RASSF4: variants seen among roughly 807,000 people sequenced by gnomAD.
The protein encoded by RASSF4 is Ras association domain family member 4.
Under a neutral mutation model 41.1 loss-of-function variants are expected in RASSF4, and 38 were observed. That is an observed-to-expected ratio of 0.92 (90% CI 0.71 to 1.21). The LOEUF (loss-of-function observed/expected upper bound fraction) is 1.21, where lower values mean the gene tolerates loss of function less well. RASSF4 is among the 50% of genes most tolerant of loss of function. The probability of loss-of-function intolerance (pLI) is 0.00; values close to 1 mark genes in which losing one functional copy is unlikely to be tolerated. For synonymous variants in RASSF4, 179 were observed against 163.4 expected (o/e 1.10, Z -0.73); for missense variants, 414 against 419.4 (o/e 0.99, Z 0.11).
chr10:44,989,584 G>A (rs1842036370), intron 7 of RASSF4, 86 bp from the exon 8 acceptor site: 2 of 1,221,176 alleles, frequency 1.6e-6, no homozygotes, highest in Admixed American at 3.4e-5. Context: ...GTGTGTTACT[G>A]GGGGTGTAGT....
chr10:44,970,167 A>C lies in RASSF4; in HGVS notation c.-36A>C. On this transcript the variant is annotated splice_region_variant and 5_prime_UTR_variant, in exon 2 of 11. Coordinates refer to ENST00000340258, the MANE Select transcript of RASSF4 (RefSeq NM_032023.4). The stretch of plus-strand genomic sequence containing the variant: ...TCCACCCTTCCTTGTCTTCCCAGCA[A>C]GTAACTTCTAGGTCTGCAGACAAGA... 1 of 1,593,230 alleles carries C rather than the reference A, an allele frequency of 6.3e-7. No homozygotes were observed.
At chr10:44,982,222 C>T (rs994827115) in intron 3 of RASSF4, 12 of 432,346 alleles carry the variant, frequency 2.8e-5, no homozygotes, top group African/African-American at 6.3e-5. Flanking sequence ...ACTTCTTCAC[C>T]GCGGTGTGGA....
At chr10:44,984,606 A>C (rs1841846481) in intron 5 of RASSF4, 1 of 620,208 alleles carries the variant, frequency 1.6e-6, no homozygotes, top group Non-Finnish European at 2.8e-6. Flanking sequence ...GCCATGTGAC[A>C]TTGTGACCCA....
At chr10:44,980,036 C>T (rs1229952034) in intron 3 of RASSF4, among the ~76,000 whole-genome samples, 1 of 152,212 alleles carries the variant, frequency 6.6e-6, no homozygotes, top group Non-Finnish European at 1.5e-5. Flanking sequence ...GCCCCAGCCA[C>T]AGCCCCACCT....
intron 1 of RASSF4, among the ~76,000 whole-genome samples, chr10:44,963,491 C>G (rs1017696541): frequency 6.6e-6 from 1 of 152,166 alleles, no homozygotes; most frequent in South Asian, 2.1e-4. Context: ...GCCCTGCTGC[C>G]GTTGTGGCTG....
chr10:44,977,611 G>A (rs770794008), intron 3 of RASSF4: 1 of 1,613,280 alleles, frequency 6.2e-7, no homozygotes, highest in Non-Finnish European at 8.5e-7. Flanking sequence ...GCTTGCTGCT[G>A]TCCATCTGTC....
At chr10:44,984,446 T>C in intron 5 of RASSF4, 1 of 491,990 alleles carries the variant, frequency 2.0e-6, no homozygotes. Context: ...GACCTCGTCC[T>C]CACCCTCTGT....
At chr10:44,991,144 C>T (rs765914436) in intron 9 of RASSF4, 75 bp downstream of exon 9, 13 of 1,416,540 alleles carry the variant, frequency 9.2e-6, no homozygotes, top group African/African-American at 1.4e-5. Context: ...CCCAAGGACT[C>T]CTGGCCAGAG....
chr10:44,993,626 C>T lies in RASSF4; in HGVS notation c.*297C>T, dbSNP rs1208862487. The T allele has an allele frequency of 1.3e-5, 5 of 389,170 alleles. No individual in the cohort carries two copies. The highest frequency in any genetic ancestry group is 2.4e-5 in the Non-Finnish European group (5 of 209,286). The allele number at this position is 389,170 out of a possible 1,614,324, so 24.1% of individuals were successfully genotyped here. On this transcript the variant is annotated 3_prime_UTR_variant, in exon 11 of 11. Transcript: ENST00000340258. The stretch of plus-strand genomic sequence containing the variant: ...CCTGCACTGGAGAGCAGTGCTGGCC[C>T]AGCCCCTGCGGCTTAGGCTTCATCT...
At chr10:44,961,304 C>T (rs767006622) in intron 1 of RASSF4, among the ~76,000 whole-genome samples, 2 of 152,160 alleles carry the variant, frequency 1.3e-5, no homozygotes, top group African/African-American at 2.4e-5. Flanking sequence ...GCCTGGAGGT[C>T]GAGAACAGAA....
chr10:44,978,163 G>T, intron 3 of RASSF4: 1 of 1,027,212 alleles, frequency 9.7e-7, no homozygotes, highest in South Asian at 1.7e-5. Flanking sequence ...TGCCCTGAGA[G>T]CAATTTGAAG....
chr10:44,983,865 T>C, intron 4 of RASSF4, 157 bp from the exon 5 acceptor site: 1 of 1,347,994 alleles, frequency 7.4e-7, no homozygotes. Context: ...CTTTTATTGT[T>C]TCAGACTGAC....
intron 3 of RASSF4, among the ~76,000 whole-genome samples, chr10:44,973,391 C>T (rs1841262440): frequency 6.6e-6 from 1 of 152,136 alleles, no homozygotes; most frequent in Non-Finnish European, 1.5e-5. Context: ...CAGGGATTTC[C>T]ACCTGTGCTG....
At chr10:44,982,721 A>G (rs1841768201) in intron 4 of RASSF4, 58 bp downstream of exon 4, 2 of 1,571,160 alleles carry the variant, frequency 1.3e-6, no homozygotes, top group Admixed American at 1.9e-5. Flanking sequence ...GGTTGGGGAT[A>G]TCCCGAGCCT....
intron 5 of RASSF4, chr10:44,984,434 G>A: frequency 8.2e-6 from 4 of 488,550 alleles, no homozygotes; most frequent in Non-Finnish European, 1.5e-5. Flanking sequence ...ACCTCCCTCT[G>A]CGACCTCGTC....
intron 1 of RASSF4, among the ~76,000 whole-genome samples, chr10:44,962,823 G>T (rs1237542891): frequency 1.3e-5 from 2 of 152,214 alleles, no homozygotes; most frequent in African/African-American, 4.8e-5. Flanking sequence ...AGGTGTAAGG[G>T]GGGAGCAGGA....
intron 3 of RASSF4, among the ~76,000 whole-genome samples, chr10:44,980,620 G>A (rs550398347): frequency 8.5e-5 from 13 of 152,302 alleles, no homozygotes; most frequent in African/African-American, 3.1e-4. Context: ...CCCTTCACTC[G>A]TCTTCCAGGG....
Position 44,993,269 on chromosome 10 carries a change from G to T in RASSF4, c.906G>T (p.Lys302Asn). 6.2e-7 allele frequency: 1 copy of T among 1,609,854 alleles called. No homozygotes were observed. ...TCCTCTTGGCGATGTCTCCCTCCAG[G>T]TTCCAAGCCCTGCGTCTGACGATGC... The part of the protein sequence containing the change: ...EEREIIKLTM[K>N]FQALRLTMLQ... The change falls in exon 11 of 11, where the codon AAG becomes AAT. Residue 302 changes from lysine (K) to asparagine (N), a missense_variant and splice_region_variant. Transcript: ENST00000340258.
chr10:44,962,734 A>G (rs1436346494), intron 1 of RASSF4, among the ~76,000 whole-genome samples: 1 of 152,220 alleles, frequency 6.6e-6, no homozygotes, highest in African/African-American at 2.4e-5. Context: ...CTTCTCTTCC[A>G]TAGGCTAGAG....
Sources: gnomAD v4.1 joint callset for allele counts (sites outside exome capture counted in the v4.1 genomes callset) on GRCh38, gnomAD v4.1.1 for gene constraint, MANE v1.5 for transcripts, NCBI Gene and HGNC (gene_info 2026-07-23, HGNC 2026-07-21) for gene names.